The following MED12 variants were observed in gnomAD, a reference collection of about 807,000 sequenced individuals.
The protein encoded by MED12 is mediator complex subunit 12.
Under a neutral mutation model 177.7 loss-of-function variants are expected in MED12, and 10 were observed. That is an observed-to-expected ratio of 0.06 (90% CI 0.03 to 0.10). MED12 has a LOEUF of 0.10. Ranked by LOEUF, MED12 falls within the 10% of genes least tolerant of loss-of-function variation. The probability of loss-of-function intolerance (pLI) is 1.00; values close to 1 mark genes in which losing one functional copy is unlikely to be tolerated. For missense variants in MED12, 867 were observed against 1,780.8 expected (o/e 0.49, Z 9.23); for synonymous variants, 641 against 678.4 (o/e 0.94, Z 0.86).
intron 28 of MED12, among the ~76,000 whole-genome samples, chrX:71,130,472 A>G (rs1334288585): frequency 8.9e-6 from 1 of 112,724 alleles, no homozygotes; most frequent in Non-Finnish European, 1.9e-5. Flanking sequence ...TGGGAAGCAT[A>G]GCATCTGGGA....
At chrX:71,122,066 G>A (rs1437651513) in intron 7 of MED12, 134 bp from the exon 8 acceptor site, 1 of 912,148 alleles carries the variant, frequency 1.1e-6, no homozygotes, top group Non-Finnish European at 1.6e-6. Context: ...AGGGGATCGG[G>A]GTGGAGTGAT....
intron 1 of MED12, 113 bp from the exon 2 acceptor site, chrX:71,119,260 G>C (rs1308796988): frequency 7.2e-6 from 4 of 553,463 alleles, no homozygotes; most frequent in Non-Finnish European, 1.3e-5. Context: ...TGTTCTACAC[G>C]GAACCCTCCT....
At chrX:71,134,095 G>A (rs2092325699) in intron 33 of MED12, among the ~76,000 whole-genome samples, 1 of 109,794 alleles carries the variant, frequency 9.1e-6, no homozygotes, top group African/African-American at 3.3e-5. Flanking sequence ...GCTGGGCGTG[G>A]TGGCAGGCGC....
chrX:71,138,047 G>A (rs1602305461), intron 41 of MED12, 104 bp downstream of exon 41: 1 of 808,308 alleles, frequency 1.2e-6, no homozygotes, highest in Non-Finnish European at 1.8e-6. Context: ...CAGAACTTTC[G>A]GAGACATCAA....
rs779466860 is a variant in MED12 at position 71,134,812 on chromosome X, C to T, written c.4827C>T (p.Asn1609=). ...SSISQGSMEE[N]KRAYMNLAKK... ...TCTCGCAAGGTAGCATGGAGGAAAACAAGCGTGCATACATGAACCTGGCGA... is the reference window on the plus strand; with the variant it reads ...TCTCGCAAGGTAGCATGGAGGAAAATAAGCGTGCATACATGAACCTGGCGA... The change falls in exon 35 of 45, where the codon AAC becomes AAT. Residue 1609 remains asparagine (N), a synonymous_variant. Coordinates refer to ENST00000374080, the MANE Select transcript of MED12 (RefSeq NM_005120.3). 5.0e-6 allele frequency: 6 copies of T among 1,211,477 alleles called. No homozygotes were observed. The highest frequency in any genetic ancestry group is 2.2e-6 in the Non-Finnish European group (2 of 895,491).
intron 29 of MED12, 115 bp downstream of exon 29, chrX:71,131,736 T>C (rs2092317946): frequency 2.7e-6 from 2 of 728,330 alleles, no homozygotes; most frequent in Admixed American, 5.2e-5. Flanking sequence ...AGCTGAGAGA[T>C]AAGAGGGGAT....
chrX:71,128,848 C>A lies in MED12; in HGVS notation c.3475+130C>A, dbSNP rs935569485. ...CCCTGGCCTTCCTCAGAAGGCCAGTCCTTTGGTATGCTGAAGGCTAGAAGA... is the reference window on the plus strand; with the variant it reads ...CCCTGGCCTTCCTCAGAAGGCCAGTACTTTGGTATGCTGAAGGCTAGAAGA... On this transcript the variant is annotated intron_variant, in intron 24 of 44. Transcript: ENST00000374080. 54 of 842,901 alleles carry A rather than the reference C, an allele frequency of 6.4e-5. No homozygotes were observed. In the South Asian group the frequency reaches 1.1e-3, roughly 18 times the overall value. The allele number at this position is 842,901 out of a possible 1,213,427, so 69.5% of individuals were successfully genotyped here. A position where few individuals can be genotyped will look rare whatever the true frequency, so the allele number is the denominator to read the frequency against.
At chrX:71,121,838 G>A in intron 7 of MED12, 22 bp downstream of exon 7, 1 of 1,211,968 alleles carries the variant, frequency 8.3e-7, no homozygotes, top group Non-Finnish European at 1.1e-6. Flanking sequence ...GCGGGCCCAA[G>A]GAAGCATTGA....
chrX:71,123,290 C>A, intron 11 of MED12, 64 bp downstream of exon 11: 1 of 1,165,513 alleles, frequency 8.6e-7, no homozygotes, highest in Non-Finnish European at 1.2e-6. Context: ...CGGTTGGAGA[C>A]CGAGAGATGG....
chrX:71,129,191 C>T lies in MED12; in HGVS notation c.3553C>T (p.Leu1185Phe). The T allele has an allele frequency of 1.7e-6, 2 of 1,210,788 alleles. No individual in the cohort carries two copies. Among genetic ancestry groups the T allele is most frequent in the Non-Finnish European group, 2.2e-6 (2 of 894,603 alleles). The part of the protein sequence containing the change: ...ILLHLFKTPQ[L>F]NPCQSDGNKP... ...CCTTCACCTTTTCAAGACACCGCAGCTCAATCCTTGCCAGTCTGATGGAAG... is the reference window on the plus strand; with the variant it reads ...CCTTCACCTTTTCAAGACACCGCAGTTCAATCCTTGCCAGTCTGATGGAAG... Residue 1185 changes from leucine to phenylalanine, a missense_variant, in exon 25 of 45, where the codon CTC (leucine) becomes TTC (phenylalanine). This residue lies in a region of MED12 where 21 missense variants were observed against 35.5 expected (regional missense o/e 0.59). Transcript: ENST00000374080.
In MED12 at chrX:71,141,720, T is replaced by C. The variant is rs774268273; in HGVS notation, c.6409-163T>C. Among the ~76,000 whole-genome samples the C allele has an allele frequency of 2.7e-5, 3 of 110,236 alleles. No homozygotes were observed. The East Asian group carries it at 8.5e-4, about 31-fold the overall frequency. ...CAAGAGGCTGAGGCAGAGAATTGCTTGAACTTGGGAGGCAGAGGTTGCAGT... is the reference window on the plus strand; with the variant it reads ...CAAGAGGCTGAGGCAGAGAATTGCTCGAACTTGGGAGGCAGAGGTTGCAGT... On this transcript the variant is annotated intron_variant, in intron 43 of 44. Transcript: ENST00000374080.
chrX:71,135,959 C>T (rs1011238137), intron 36 of MED12, among the ~76,000 whole-genome samples: 2 of 109,101 alleles, frequency 1.8e-5, no homozygotes, highest in African/African-American at 3.4e-5. Context: ...TCTCCCTCCC[C>T]GCTCCCTCTC....
chrX:71,122,537 G>A lies in MED12; in HGVS notation c.1278G>A (p.Gln426=), dbSNP rs2092291996. Residue 426 remains glutamine, a synonymous_variant, in exon 9 of 45, where the codon CAG becomes CAA. Transcript: ENST00000374080. ...QVRAKLREIE[Q]QIKERGQAVE... Reference sequence around the variant, plus strand: ...GTGCAAAGTTGCGGGAGATCGAGCAGCAGATCAAGGAGCGGGGACAGGCAG... The same window carrying A: ...GTGCAAAGTTGCGGGAGATCGAGCAACAGATCAAGGAGCGGGGACAGGCAG... The A allele has an allele frequency of 8.3e-7, 1 of 1,210,087 alleles. No homozygotes were observed. Among genetic ancestry groups the A allele is most frequent in the South Asian group, 1.8e-5 (1 of 56,865 alleles).
rs989329760 is a variant in MED12 at position 71,132,820 on chromosome X, C to A, written c.4416-25C>A. 59 of 970,348 alleles carry A rather than the reference C, an allele frequency of 6.1e-5. No homozygotes were observed. In the African/African-American group the frequency reaches 1.3e-3, roughly 21 times the overall value. The allele number at this position is 970,348 out of a possible 1,213,427, so 80.0% of individuals were successfully genotyped here. ...CTTCTCTTCTCTTCTCTTCTCTTCTCTTCTCTTCTTTCTCTTGTCTCTAGC... is the reference window on the plus strand; with the variant it reads ...CTTCTCTTCTCTTCTCTTCTCTTCTATTCTCTTCTTTCTCTTGTCTCTAGC... On this transcript the variant is annotated intron_variant, in intron 31 of 44. Transcript: ENST00000374080.
At position 71,119,459 on chromosome X, in the gene MED12, C is replaced by T. The variant is rs2092284015; in HGVS notation, c.186C>T (p.Val62=). Residue 62 remains valine, a synonymous_variant, in exon 2 of 45, where the codon GTC becomes GTT. Transcript: ENST00000374080. ...SGDEHGSAKN[V]SFNPAKISSN... ...ATGAGCATGGCAGTGCCAAGAACGT[C>T]AGCTTCAATCCTGCCAAGGTGAGAC... 8.4e-7 allele frequency: 1 copy of T among 1,192,533 alleles called. No homozygotes were observed. Among genetic ancestry groups the T allele is most frequent in the Admixed American group, 2.3e-5 (1 of 44,228 alleles).
chrX:71,125,592 T>C lies in MED12; in HGVS notation c.2372-71T>C, dbSNP rs2092300840. 7.6e-6 allele frequency: 9 copies of C among 1,180,982 alleles called. No homozygotes were observed. The Admixed American group carries it at 2.0e-4, about 26-fold the overall frequency. On this transcript the variant is annotated intron_variant, in intron 16 of 44. Coordinates refer to ENST00000374080, the MANE Select transcript of MED12 (RefSeq NM_005120.3). ...GGAACTCCCCAGTCATGTCCCAATG[T>C]CCTGTCTCTTGGAGTCTCCTGAGAG...
intron 31 of MED12, 115 bp from the exon 32 acceptor site, chrX:71,132,730 C>T: frequency 1.1e-6 from 1 of 869,650 alleles, no homozygotes; most frequent in Non-Finnish European, 1.6e-6. Context: ...AGTTGACTCC[C>T]AACCCACAGT....
rs777865279 is a variant in MED12 at position 71,122,536 on chromosome X, A to G, written c.1277A>G (p.Gln426Arg). ...QVRAKLREIEQQIKERGQAVE... is the reference protein window; with the variant it reads ...QVRAKLREIERQIKERGQAVE... ...CGTGCAAAGTTGCGGGAGATCGAGCAGCAGATCAAGGAGCGGGGACAGGCA... is the reference window on the plus strand; with the variant it reads ...CGTGCAAAGTTGCGGGAGATCGAGCGGCAGATCAAGGAGCGGGGACAGGCA... The change falls in exon 9 of 45, where the codon CAG (glutamine) becomes CGG (arginine). Residue 426 changes from glutamine to arginine, a missense_variant. By Grantham distance (43) the Gln-to-Arg change is conservative. Transcript: ENST00000374080. The G allele has an allele frequency of 8.3e-7, 1 of 1,210,194 alleles. No homozygotes were observed. The highest frequency in any genetic ancestry group is 1.7e-5 in the African/African-American group (1 of 57,297).
At position 71,122,754 on chromosome X, in the gene MED12, G is replaced by A; in HGVS notation, c.1365G>A (p.Arg455=). 1 of 1,211,776 alleles carries A rather than the reference G, an allele frequency of 8.3e-7. No individual in the cohort carries two copies. The highest frequency in any genetic ancestry group is 1.1e-6 in the Non-Finnish European group (1 of 895,487). Residue 455 remains arginine (R), a synonymous_variant, in exon 10 of 45, where the codon CGG becomes CGA. Transcript: ENST00000374080. ...CCTCCTTAGGCTTCACCATTGGACG[G>A]GTACTTCATACTTTGGAAGTGCTGG... is the stretch of plus-strand genomic sequence containing the variant. The part of the protein sequence containing the change: ...QEATAGFTIG[R]VLHTLEVLDS...
Sources: allele counts gnomAD v4.1 joint callset (sites outside exome capture counted in the v4.1 genomes callset), GRCh38; gene constraint gnomAD v4.1.1; regional missense constraint gnomAD v4.1.1; transcripts MANE v1.5; gene names NCBI Gene and HGNC (gene_info 2026-07-23, HGNC 2026-07-21).